The following ACTR10 variants were observed in gnomAD, a reference collection of about 807,000 sequenced individuals.
ACTR10 encodes the protein actin-related protein 10.
A neutral mutation model predicts 56.2 loss-of-function variants in ACTR10; 43 were observed. That is an observed-to-expected ratio of 0.77 (90% CI 0.60 to 0.99). The LOEUF is 0.99. ACTR10 is among the 50% of genes least tolerant of loss of function. The pLI is 0.00. For missense variants in ACTR10, 466 were observed against 507.8 expected (o/e 0.92, Z 0.79); for synonymous variants, 170 against 176.3 (o/e 0.96, Z 0.28).
At chr14:58,211,970 TC>T (rs1163107840) in intron 5 of ACTR10, among the ~76,000 whole-genome samples, 1 of 140,920 alleles carries the variant, frequency 7.1e-6, no homozygotes, top group Non-Finnish European at 1.5e-5. Context: ...TTTTTTCTTT[TC>T]TTTTTTTTTA....
chr14:58,223,295 C>A (rs1262928298), intron 8 of ACTR10, among the ~76,000 whole-genome samples: 2 of 152,148 alleles, frequency 1.3e-5, no homozygotes, highest in Admixed American at 6.5e-5. Context: ...CGCCACCACG[C>A]CCGGCTAATT....
intron 7 of ACTR10, among the ~76,000 whole-genome samples, chr14:58,217,775 G>A (rs907815535): frequency 1.3e-5 from 2 of 152,116 alleles, no homozygotes; most frequent in African/African-American, 4.8e-5. Flanking sequence ...ATTCTTAAGT[G>A]AATTTTGAAT....
At chr14:58,223,064 A>T (rs1009672531) in intron 8 of ACTR10, among the ~76,000 whole-genome samples, 7 of 152,196 alleles carry the variant, frequency 4.6e-5, no homozygotes, top group African/African-American at 1.4e-4. Context: ...GTTTTATACA[A>T]GATGAATGTA....
At chr14:58,214,724 C>G (rs916525511) in intron 6 of ACTR10, among the ~76,000 whole-genome samples, 8 of 151,134 alleles carry the variant, frequency 5.3e-5, no homozygotes, top group African/African-American at 1.9e-4. Context: ...CTCCTGACCT[C>G]AGGTGATCCA....
intron 2 of ACTR10, among the ~76,000 whole-genome samples, chr14:58,205,866 A>G (rs886635643): frequency 5.3e-5 from 8 of 151,934 alleles, no homozygotes; most frequent in African/African-American, 1.9e-4. Flanking sequence ...TACTAAAAAT[A>G]CAAATATTAG....
chr14:58,205,537 T>G (rs1356256518), intron 2 of ACTR10, among the ~76,000 whole-genome samples: 1 of 151,962 alleles, frequency 6.6e-6, no homozygotes, highest in Non-Finnish European at 1.5e-5. Context: ...GAATGGTCTG[T>G]ATCTCCTGAC....
At chr14:58,226,944 C>A (rs1248969300) in intron 10 of ACTR10, among the ~76,000 whole-genome samples, 3 of 151,992 alleles carry the variant, frequency 2.0e-5, no homozygotes, top group Non-Finnish European at 4.4e-5. Flanking sequence ...TTGAAACCTT[C>A]TAATTAGACA....
At position 58,200,171 on chromosome 14, in the gene ACTR10, T is replaced by A; in HGVS notation, c.-47T>A. ...CCCGCCCCGCGAGCGCCGAGACTTG[T>A]TGGCCGCGGAGACTGCGACCCTCTT... On this transcript the variant is annotated 5_prime_UTR_variant, in exon 1 of 13. In the 5' UTR this introduces an upstream ATG that the reference lacks. Coordinates refer to ENST00000254286, the MANE Select transcript of ACTR10 (RefSeq NM_018477.3). 7.1e-7 allele frequency: 1 copy of A among 1,411,006 alleles called. No individual in the cohort carries two copies. The highest frequency in any genetic ancestry group is 9.4e-7 in the Non-Finnish European group (1 of 1,067,388). The allele number at this position is 1,411,006 out of a possible 1,614,324, so 87.4% of individuals were successfully genotyped here.
chr14:58,203,256 C>A (rs1341101059), intron 2 of ACTR10, among the ~76,000 whole-genome samples: 1 of 127,016 alleles, frequency 7.9e-6, no homozygotes, highest in African/African-American at 2.9e-5. Flanking sequence ...GAGCCAAAAT[C>A]AAGCCATCGC....
At position 58,211,989 on chromosome 14, in the gene ACTR10, A is replaced by T. The variant is rs148602917; in HGVS notation, c.450+590A>T. Reference sequence around the variant, plus strand: ...TTCTTTTCTTTTTTTTTATTTTTTAAATCTCCAGAGGCTTTCGTGAAGGCA... The same window carrying T: ...TTCTTTTCTTTTTTTTTATTTTTTATATCTCCAGAGGCTTTCGTGAAGGCA... On this transcript the variant is annotated intron_variant, in intron 5 of 12. Transcript: ENST00000254286. 6.9e-4 allele frequency among the ~76,000 whole-genome samples: 105 copies of T among 151,720 alleles called. 1 individual carries two copies. Among genetic ancestry groups the T allele is most frequent in the African/African-American group, 2.4e-3 (99 of 41,386 alleles).
chr14:58,208,690 A>G (rs1469077680), intron 3 of ACTR10, among the ~76,000 whole-genome samples: 3 of 151,750 alleles, frequency 2.0e-5, no homozygotes, highest in African/African-American at 7.3e-5. Context: ...CTGCACTCCA[A>G]CTTGGGCAAC....
At chr14:58,200,333 G>A (rs769599984) in intron 1 of ACTR10, 39 bp downstream of exon 1, 2 of 1,456,756 alleles carry the variant, frequency 1.4e-6, no homozygotes, top group Non-Finnish European at 1.8e-6. Flanking sequence ...GACCCGAGGG[G>A]AGGGCGGGTG....
chr14:58,207,851 A>G, intron 2 of ACTR10, 85 bp from the exon 3 acceptor site: 1 of 797,528 alleles, frequency 1.3e-6, no homozygotes, highest in East Asian at 4.3e-5. Context: ...TTCCCAGAAA[A>G]TGTATTAGTA....
intron 11 of ACTR10, among the ~76,000 whole-genome samples, chr14:58,230,823 C>T (rs562578112): frequency 1.4e-3 from 202 of 149,158 alleles, no homozygotes; most frequent in Non-Finnish European, 2.1e-3. Context: ...TGCAGTGGCG[C>T]GATCTCAGCT....
intron 12 of ACTR10, 29 bp from the exon 13 acceptor site, chr14:58,234,341 T>G: frequency 3.3e-6 from 5 of 1,520,720 alleles, no homozygotes; most frequent in Non-Finnish European, 4.4e-6. Context: ...GTTTTCATCT[T>G]AGCTATAAAA....
intron 8 of ACTR10, among the ~76,000 whole-genome samples, chr14:58,220,957 G>A (rs1263165928): frequency 6.6e-6 from 1 of 152,076 alleles, no homozygotes; most frequent in Non-Finnish European, 1.5e-5. Flanking sequence ...TGTTGTTGAA[G>A]GTATGTTCAG....
intron 4 of ACTR10, 43 bp from the exon 5 acceptor site, chr14:58,211,249 A>T: frequency 5.9e-6 from 8 of 1,350,726 alleles, no homozygotes; most frequent in South Asian, 2.4e-5. Context: ...TCAAATAATG[A>T]CACTCATTCC....
Position 58,232,162 on chromosome 14 carries a change from A to G in ACTR10, c.967A>G (p.Ile323Val), listed in dbSNP as rs758787747. The change falls in exon 12 of 13, where the codon ATA becomes GTA. Residue 323 changes from isoleucine to valine, a missense_variant. By Grantham distance (29) the Ile-to-Val change is conservative. Transcript: ENST00000254286. ...PGFLHRLLAE[I>V]RYLVEKPKYK... ...ATTTCTCCACAGATTGCTTGCAGAAATAAGGTATTTGGTAGAAAAACCAAA... is the reference window on the plus strand; with the variant it reads ...ATTTCTCCACAGATTGCTTGCAGAAGTAAGGTATTTGGTAGAAAAACCAAA... 6 of 1,613,822 alleles carry G rather than the reference A, an allele frequency of 3.7e-6. No individual in the cohort carries two copies. Among genetic ancestry groups the G allele is most frequent in the African/African-American group, 1.3e-5 (1 of 74,892 alleles).
At chr14:58,220,350 T>C (rs1180789069) in intron 8 of ACTR10, among the ~76,000 whole-genome samples, 2 of 93,474 alleles carry the variant, frequency 2.1e-5, no homozygotes, top group African/African-American at 4.7e-5. Context: ...TCTAATACAG[T>C]TGGGGCTGTG....
Sources: allele counts gnomAD v4.1 joint callset (sites outside exome capture counted in the v4.1 genomes callset), GRCh38; gene constraint gnomAD v4.1.1; transcripts MANE v1.5; gene names NCBI Gene and HGNC (gene_info 2026-07-23, HGNC 2026-07-21).